ANAPC1: variants seen among roughly 807,000 people sequenced by gnomAD.
ANAPC1 encodes the protein anaphase-promoting complex subunit 1.
A neutral mutation model predicts 208.0 loss-of-function variants in ANAPC1; 36 were observed. That is an observed-to-expected ratio of 0.17 (90% CI 0.13 to 0.23). The LOEUF (loss-of-function observed/expected upper bound fraction) is 0.23. Among genes scored for constraint, ANAPC1 ranks in the 10% least tolerant of loss-of-function variants. The probability of loss-of-function intolerance (pLI) is 1.00; values close to 1 mark genes in which losing one functional copy is unlikely to be tolerated. For synonymous variants in ANAPC1, 378 were observed against 695.2 expected (o/e 0.54, Z 7.18); for missense variants, 942 against 2,011.6 (o/e 0.47, Z 10.17).
chr2:111,849,023 A>G (rs1573456815), intron 14 of ANAPC1, among the ~76,000 whole-genome samples: 1 of 152,278 alleles, frequency 6.6e-6, no homozygotes, highest in African/African-American at 2.4e-5. Context: ...AACTCTAGTC[A>G]TGACCACTGA....
intron 17 of ANAPC1, among the ~76,000 whole-genome samples, chr2:111,841,237 G>C (rs543785966): frequency 1.3e-5 from 2 of 151,856 alleles, no homozygotes; most frequent in South Asian, 4.2e-4. Context: ...CACAGGTCCT[G>C]GAGAGAGAGA....
At chr2:111,875,138 T>C (rs570568494) in intron 3 of ANAPC1, among the ~76,000 whole-genome samples, 2 of 152,360 alleles carry the variant, frequency 1.3e-5, no homozygotes, top group African/African-American at 4.8e-5. Flanking sequence ...GGTATCTCAT[T>C]GTGGTTGTAA....
chr2:111,769,553 A>C (rs1676605134), intron 47 of ANAPC1, 147 bp from the exon 48 acceptor site: 1 of 612,404 alleles, frequency 1.6e-6, no homozygotes, highest in Non-Finnish European at 3.0e-6. Context: ...ATTTAAAATT[A>C]TGAAATTCCT....
At chr2:111,776,027 A>G (rs1381905643) in intron 46 of ANAPC1, among the ~76,000 whole-genome samples, 1 of 151,338 alleles carries the variant, frequency 6.6e-6, no homozygotes, top group Non-Finnish European at 1.5e-5. Context: ...TTTATTTCCT[A>G]GTGTTACAGG....
At chr2:111,817,860 T>C (rs1244647008) in intron 27 of ANAPC1, among the ~76,000 whole-genome samples, 1 of 110,964 alleles carries the variant, frequency 9.0e-6, no homozygotes, top group African/African-American at 3.1e-5. Context: ...ATTTCAACTA[T>C]GTAATTGTCA....
chr2:111,882,948 ACG>A (rs1019473133), intron 1 of ANAPC1, among the ~76,000 whole-genome samples: 1 of 151,996 alleles, frequency 6.6e-6, no homozygotes, highest in African/African-American at 2.4e-5. Context: ...CGGGTGGATC[ACG>A]AGGTCAGGAG....
intron 28 of ANAPC1, among the ~76,000 whole-genome samples, chr2:111,812,295 A>G (rs2686030): frequency 0.022 from 1,234 of 55,668 alleles, 55 homozygotes; most frequent in African/African-American, 0.055. Flanking sequence ...AGAAGCAGGC[A>G]GCTTTACAGG....
At chr2:111,840,187 A>T (rs988958431) in intron 17 of ANAPC1, among the ~76,000 whole-genome samples, 1 of 146,706 alleles carries the variant, frequency 6.8e-6, no homozygotes, top group Non-Finnish European at 1.5e-5. Context: ...CACATCAGCA[A>T]ATTAAAGAAA....
intron 25 of ANAPC1, chr2:111,821,776 T>C (rs1470294381): frequency 5.9e-6 from 2 of 339,466 alleles, no homozygotes; most frequent in Non-Finnish European, 1.1e-5. Context: ...AAAAAGATAA[T>C]TGGAGAGTAA....
At chr2:111,883,480 T>C (rs1413203707) in intron 1 of ANAPC1, among the ~76,000 whole-genome samples, 4 of 151,910 alleles carry the variant, frequency 2.6e-5, no homozygotes, top group Admixed American at 2.0e-4. Context: ...TACTATTAAA[T>C]TTATATGCTA....
intron 17 of ANAPC1, among the ~76,000 whole-genome samples, chr2:111,842,883 A>G (rs923007612): frequency 1.3e-5 from 2 of 152,196 alleles, no homozygotes; most frequent in Admixed American, 1.3e-4. Context: ...CTGCAGGAAG[A>G]GGGTGAGAGG....
At chr2:111,787,713 T>C (rs1184363645) in intron 39 of ANAPC1, among the ~76,000 whole-genome samples, 1 of 151,910 alleles carries the variant, frequency 6.6e-6, no homozygotes, top group Non-Finnish European at 1.5e-5. Context: ...CTACATGGTT[T>C]GAAGTTCTAC....
At chr2:111,837,437 T>C (rs1048439648) in intron 18 of ANAPC1, among the ~76,000 whole-genome samples, 3 of 152,076 alleles carry the variant, frequency 2.0e-5, no homozygotes, top group Admixed American at 6.5e-5. Context: ...CTGACCAACA[T>C]GGTGAAACCC....
chr2:111,878,859 T>G lies in ANAPC1; in HGVS notation c.326A>C (p.Gln109Pro). The change falls in exon 3 of 48, where the codon CAG becomes CCG. Residue 109 changes from glutamine (Q) to proline (P), a missense_variant. Physicochemically the swap from Gln to Pro is moderately conservative, Grantham distance 76. Coordinates refer to ENST00000341068, the MANE Select transcript of ANAPC1 (RefSeq NM_022662.4). Reference protein sequence around the residue: ...MVIWSKGSKSQALAVYKAFTV... With the variant: ...MVIWSKGSKSPALAVYKAFTV... ...AAATGCTTTATAAACTGCCAATGCC[T>G]GGCTTTTACTTCCTTTGCTCCATAT... 6.2e-7 allele frequency: 1 copy of G among 1,607,898 alleles called. No homozygotes were observed. The highest frequency in any genetic ancestry group is 1.1e-5 in the South Asian group (1 of 90,272).
At chr2:111,863,010 T>C (rs1682163620) in intron 9 of ANAPC1, among the ~76,000 whole-genome samples, 1 of 120,470 alleles carries the variant, frequency 8.3e-6, no homozygotes, top group African/African-American at 2.7e-5. Context: ...CATTTACATA[T>C]CAAATAACAA....
intron 34 of ANAPC1, among the ~76,000 whole-genome samples, chr2:111,800,548 C>T (rs1400634123): frequency 9.7e-6 from 1 of 103,452 alleles, no homozygotes; most frequent in Non-Finnish European, 1.9e-5. Flanking sequence ...CATTTTTTAA[C>T]TCCCACGCAA....
At chr2:111,797,724 C>G (rs1276205222) in intron 34 of ANAPC1, among the ~76,000 whole-genome samples, 35 of 147,248 alleles carry the variant, frequency 2.4e-4, no homozygotes, top group Non-Finnish European at 4.8e-4. Context: ...ATAGTAAATA[C>G]CAGCAACTAC....
Position 111,862,488 on chromosome 2 carries a change from T to C in ANAPC1, c.1163A>G (p.Asn388Ser). Residue 388 changes from asparagine (N) to serine (S), a missense_variant, in exon 10 of 48, where the codon AAT becomes AGT. Physicochemically the swap from Asn to Ser is conservative, Grantham distance 46. Transcript: ENST00000341068. ...AAGAAAGGAGCCATTAGAATTACTA[T>C]TTGGAGAATGAGAAATACTATGTCT... ...PKRHSISHSP[N>S]SNSNGSFLAP... 6.2e-7 allele frequency: 1 copy of C among 1,611,578 alleles called. No individual in the cohort carries two copies. Among genetic ancestry groups the C allele is most frequent in the South Asian group, 1.1e-5 (1 of 90,942 alleles).
At chr2:111,781,695 C>T (rs1677285196) in intron 43 of ANAPC1, among the ~76,000 whole-genome samples, 1 of 152,218 alleles carries the variant, frequency 6.6e-6, no homozygotes, top group African/African-American at 2.4e-5. Flanking sequence ...CATGGAATTA[C>T]AGGAAACTGA....
Sources: gnomAD v4.1 joint callset for allele counts (sites outside exome capture counted in the v4.1 genomes callset) on GRCh38, gnomAD v4.1.1 for gene constraint, MANE v1.5 for transcripts, NCBI Gene and HGNC (gene_info 2026-07-23, HGNC 2026-07-21) for gene names.